COL5A1: variants seen among roughly 807,000 people sequenced by gnomAD.
COL5A1 encodes collagen alpha-1(V) chain.
In COL5A1, 16 loss-of-function variants were observed where a neutral mutation model predicts 263.7. That is an observed-to-expected ratio of 0.06 (90% CI 0.04 to 0.09). The LOEUF is 0.09. COL5A1 is among the 10% of genes least tolerant of loss of function. The pLI, the probability that COL5A1 is intolerant of heterozygous loss-of-function variation, is 1.00. For missense variants in COL5A1, 2,036 were observed against 2,540.5 expected (o/e 0.80, Z 4.27); for synonymous variants, 1,012 against 1,004.5 (o/e 1.01, Z -0.14).
chr9:134,687,174 G>A (rs1477176453), intron 1 of COL5A1, among the ~76,000 whole-genome samples: 1 of 152,170 alleles, frequency 6.6e-6, no homozygotes, highest in South Asian at 2.1e-4. Context: ...TGCTGTGTCT[G>A]GGGATATGGC....
At chr9:134,690,122 C>G (rs1833223746) in intron 1 of COL5A1, among the ~76,000 whole-genome samples, 1 of 152,146 alleles carries the variant, frequency 6.6e-6, no homozygotes, top group Non-Finnish European at 1.5e-5. Context: ...AGCTTATCCC[C>G]TTGCCCTTCC....
At chr9:134,726,179 G>C (rs1029581557) in intron 4 of COL5A1, among the ~76,000 whole-genome samples, 4 of 152,216 alleles carry the variant, frequency 2.6e-5, no homozygotes, top group African/African-American at 9.6e-5. Context: ...TCTCACAACA[G>C]GCAAAAGCTG....
intron 2 of COL5A1, among the ~76,000 whole-genome samples, chr9:134,693,146 C>G (rs1194072910): frequency 6.6e-6 from 1 of 152,128 alleles, no homozygotes; most frequent in African/African-American, 2.4e-5. Flanking sequence ...CTGTGCCTCT[C>G]TCAGCAGGGA....
chr9:134,659,887 G>A (rs1222284210), intron 1 of COL5A1, among the ~76,000 whole-genome samples: 2 of 152,232 alleles, frequency 1.3e-5, no homozygotes, highest in Non-Finnish European at 2.9e-5. Flanking sequence ...ATTTTAGCGG[G>A]AAGGAAAGAG....
chr9:134,694,586 A>G (rs1272377610), intron 2 of COL5A1, among the ~76,000 whole-genome samples: 1 of 152,136 alleles, frequency 6.6e-6, no homozygotes, highest in Non-Finnish European at 1.5e-5. Context: ...CCTCATTCGA[A>G]GAGGGTTTTC....
In COL5A1 at chr9:134,768,424, A is replaced by G; in HGVS notation, c.2247A>G (p.Lys749=). Residue 749 remains lysine (K), a synonymous_variant, in exon 25 of 66, where the codon AAA becomes AAG. Coordinates refer to ENST00000371817, the MANE Select transcript of COL5A1 (RefSeq NM_000093.5). ...GTTTGTTCTAGGGTCCCTTGGGGAA[A>G]CCAGGCCTTCCAGGAATGCCCGGTG... is the stretch of plus-strand genomic sequence containing the variant. ...GPPGEKGPLG[K]PGLPGMPGAD... 6.2e-7 allele frequency: 1 copy of G among 1,614,050 alleles called. No individual in the cohort carries two copies. Among genetic ancestry groups the G allele is most frequent in the South Asian group, 1.1e-5 (1 of 91,084 alleles).
intron 63 of COL5A1, among the ~76,000 whole-genome samples, chr9:134,826,660 GATGGGTGTGTGT>G (rs1316621655): frequency 1.7e-5 from 2 of 117,142 alleles, no homozygotes; most frequent in Non-Finnish European, 3.3e-5. Flanking sequence ...GTGGCTGGTG[GATGGGTGTGTGT>G]ATGGGTGGTG....
In COL5A1 at chr9:134,823,037, A is replaced by C. The variant is rs1478447420; in HGVS notation, c.4644+4A>C. 13 of 1,613,898 alleles carry C rather than the reference A, an allele frequency of 8.1e-6. No individual in the cohort carries two copies. Among genetic ancestry groups the C allele is most frequent in the Non-Finnish European group, 1.1e-5 (13 of 1,179,988 alleles). On this transcript the variant is annotated splice_donor_region_variant and intron_variant, in intron 60 of 65. Coordinates refer to ENST00000371817, the MANE Select transcript of COL5A1 (RefSeq NM_000093.5). ...AAAAGGTGCTAAGGGCTCCTCGGTAAGTAACATGCTGCCCAGCCAGGCCAA... is the reference window on the plus strand; with the variant it reads ...AAAAGGTGCTAAGGGCTCCTCGGTACGTAACATGCTGCCCAGCCAGGCCAA...
chr9:134,829,373 TCCG>T (rs1839482349), intron 63 of COL5A1, among the ~76,000 whole-genome samples: 1 of 145,654 alleles, frequency 6.9e-6, no homozygotes, highest in Admixed American at 6.8e-5. Context: ...TCACGCGGCC[TCCG>T]GTCTCCCCGA....
chr9:134,756,426 C>A (rs954906694), intron 16 of COL5A1, among the ~76,000 whole-genome samples: 1 of 152,224 alleles, frequency 6.6e-6, no homozygotes, highest in Admixed American at 6.5e-5. Context: ...TCACGGTCCC[C>A]TAGACTGACG....
intron 18 of COL5A1, among the ~76,000 whole-genome samples, chr9:134,761,176 A>G (rs1836419341): frequency 7.9e-6 from 1 of 126,218 alleles, no homozygotes; most frequent in Non-Finnish European, 1.8e-5. Flanking sequence ...ACCTATACAC[A>G]CATATGCACC....
At position 134,817,979 on chromosome 9, in the gene COL5A1, G is replaced by T. The variant is rs2132862005; in HGVS notation, c.4230+148G>T. The stretch of plus-strand genomic sequence containing the variant: ...GCACCTGGCTCATGGCCTACCTGGG[G>T]AGGAGACCTGGTTCTCTCTCAAGGA... On this transcript the variant is annotated intron_variant, in intron 54 of 65. Transcript: ENST00000371817. 1.5e-5 allele frequency: 12 copies of T among 827,182 alleles called. No individual in the cohort carries two copies. In the South Asian group the frequency reaches 1.6e-4, roughly 11 times the overall value. The allele number at this position is 827,182 out of a possible 1,614,324, so 51.2% of individuals were successfully genotyped here.
At chr9:134,828,404 C>G (rs1839383804) in intron 63 of COL5A1, among the ~76,000 whole-genome samples, 1 of 151,984 alleles carries the variant, frequency 6.6e-6, no homozygotes. Context: ...CAGCCCTCAC[C>G]CGCACACGTC....
intron 9 of COL5A1, among the ~76,000 whole-genome samples, chr9:134,733,372 C>G (rs1225314963): frequency 1.3e-5 from 2 of 152,328 alleles, no homozygotes; most frequent in African/African-American, 4.8e-5. Flanking sequence ...GGGCTTCACC[C>G]CTTCCTGGCC....
intron 48 of COL5A1, 35 bp downstream of exon 48, chr9:134,812,747 GGTT>G (rs746127424): frequency 7.2e-6 from 10 of 1,391,686 alleles, no homozygotes; most frequent in East Asian, 2.5e-5. Context: ...GCAGATTTGC[GGTT>G]GTTTGAGGAG....
chr9:134,793,737 C>T (rs1166585419), intron 32 of COL5A1, among the ~76,000 whole-genome samples: 1 of 152,180 alleles, frequency 6.6e-6, no homozygotes, highest in Admixed American at 6.5e-5. Context: ...TGGGCATCCT[C>T]GCCTGTAGAA....
Position 134,716,004 on chromosome 9 carries a change from GTGA to G in COL5A1, c.655-11256_655-11254del, listed in dbSNP as rs1287204066. ...GGTGGTGGTGGTGGTGGTGGTGGTG[GTGA>G]TGATGTTAGTAGTGTGTTGGTTCTA... On this transcript the variant is annotated intron_variant, in intron 4 of 65. Coordinates refer to ENST00000371817, the MANE Select transcript of COL5A1 (RefSeq NM_000093.5). This position sits in a 1 kb window ranked among gnomAD's most constrained non-coding sequence, Gnocchi z 4.5. Among the ~76,000 whole-genome samples, 1 of 135,068 alleles carries G rather than the reference GTGA, an allele frequency of 7.4e-6. No homozygotes were observed. Among genetic ancestry groups the G allele is most frequent in the Non-Finnish European group, 1.6e-5 (1 of 61,416 alleles). The allele number at this position is 135,068 out of a possible 152,430, so 88.6% of individuals were successfully genotyped here. A position where few individuals can be genotyped will look rare whatever the true frequency, so the allele number is the denominator to read the frequency against.
At chr9:134,670,534 G>A (rs938979056) in intron 1 of COL5A1, among the ~76,000 whole-genome samples, 1 of 152,156 alleles carries the variant, frequency 6.6e-6, no homozygotes, top group Non-Finnish European at 1.5e-5. Flanking sequence ...TAATGCTTGG[G>A]CCCTGGTGTG....
chr9:134,830,502 G>T (rs534925330), intron 64 of COL5A1: 1 of 469,838 alleles, frequency 2.1e-6, no homozygotes, highest in African/African-American at 1.9e-5. Flanking sequence ...GAGGTCAGAC[G>T]CTCCAGAAGC....
Sources: allele counts gnomAD v4.1 joint callset (sites outside exome capture counted in the v4.1 genomes callset), GRCh38; gene constraint gnomAD v4.1.1; non-coding constraint Gnocchi (gnomAD v3.1); transcripts MANE v1.5; gene names NCBI Gene and HGNC (gene_info 2026-07-23, HGNC 2026-07-21).